Variants in CNTLN observed in about 807,000 individuals in gnomAD.
CNTLN encodes the protein centlein.
In CNTLN, 212 loss-of-function variants were observed where a neutral mutation model predicts 180.0. The ratio of observed to expected loss-of-function variants is 1.18; its 90% CI spans 1.05 to 1.32. CNTLN has a LOEUF of 1.32. Ranked by LOEUF, CNTLN falls within the 40% of genes most tolerant of loss-of-function variation. The pLI, the probability that CNTLN is intolerant of heterozygous loss-of-function variation, is 0.00. For synonymous variants in CNTLN, 722 were observed against 563.1 expected (o/e 1.28, Z -3.99); for missense variants, 2,095 against 1,610.9 (o/e 1.30, Z -5.14).
rs946499265 is a variant in CNTLN at position 17,450,219 on chromosome 9, A to G, written c.3115-7305A>G. Among the ~76,000 whole-genome samples the G allele has an allele frequency of 2.6e-5, 4 of 152,330 alleles. No individual in the cohort carries two copies. In the East Asian group the frequency reaches 5.8e-4, roughly 22 times the overall value. Reference sequence around the variant, plus strand: ...TGTAAACCATATTTAGTATGACCTTATAACAAAGTAGCACCTTAAGTGTCA... The same window carrying G: ...TGTAAACCATATTTAGTATGACCTTGTAACAAAGTAGCACCTTAAGTGTCA... On this transcript the variant is annotated intron_variant, in intron 18 of 25. Transcript: ENST00000380647.
At chr9:17,482,955 A>G (rs1195775144) in intron 23 of CNTLN, among the ~76,000 whole-genome samples, 1 of 152,150 alleles carries the variant, frequency 6.6e-6, no homozygotes, top group Non-Finnish European at 1.5e-5. Context: ...GTATTTTTAT[A>G]TACCTCATTG....
intron 21 of CNTLN, 90 bp from the exon 22 acceptor site, chr9:17,465,891 C>A (rs1831716080): frequency 3.4e-6 from 3 of 893,178 alleles, no homozygotes; most frequent in Non-Finnish European, 3.4e-6. Flanking sequence ...GAAGTAGACT[C>A]ATTCACTCAT....
the CNTLN span, among the ~76,000 whole-genome samples, chr9:17,520,786 G>C: frequency 3.3e-5 from 5 of 152,182 alleles, no homozygotes; most frequent in East Asian, 1.9e-4. Flanking sequence ...CATCACATTT[G>C]AGATGTGTGT....
intron 2 of CNTLN, among the ~76,000 whole-genome samples, chr9:17,153,989 G>C (rs773531902): frequency 1.3e-5 from 2 of 152,074 alleles, no homozygotes; most frequent in Non-Finnish European, 2.9e-5. Flanking sequence ...CTCATGCTGT[G>C]TTTTTCAGCT....
rs187485291 is a variant in CNTLN at position 17,440,576 on chromosome 9, G to A, written c.3115-16948G>A. Among the ~76,000 whole-genome samples the A allele has an allele frequency of 8.2e-3, 1,053 of 128,546 alleles. 12 individuals are homozygous for A. The highest frequency in any genetic ancestry group is 0.012 in the Non-Finnish European group (737 of 63,076). 84.3% of individuals were successfully genotyped at this position (128,546 alleles called of 152,430 possible). ...TGAACTCCAGCCTGGGCGACGGAGC[G>A]AGACTCCGTCTCAAAAAAAAAAAAA... On this transcript the variant is annotated intron_variant, in intron 18 of 25. Coordinates refer to ENST00000380647, the MANE Select transcript of CNTLN (RefSeq NM_017738.4).
intron 13 of CNTLN, among the ~76,000 whole-genome samples, chr9:17,383,561 G>A (rs1825435279): frequency 6.6e-6 from 1 of 151,916 alleles, no homozygotes; most frequent in Non-Finnish European, 1.5e-5. Flanking sequence ...TTTAAAACAA[G>A]CCAAAGGAGT....
chr9:17,226,394 G>C, intron 3 of CNTLN, 107 bp downstream of exon 3: 1 of 543,508 alleles, frequency 1.8e-6, no homozygotes. Context: ...GAATATCAGG[G>C]TCCTTATGTT....
At position 17,464,620 on chromosome 9, in the gene CNTLN, A is replaced by G. The variant is rs1283434201; in HGVS notation, c.3528A>G (p.Lys1176=). ...SFSEMLQNLD[K]KVKTLTEECS... ...GTGAAATGTTACAAAATCTTGATAA[A>G]AAGGTATCAATTTTTATCTTTACTG... The change falls in exon 21 of 26, where the codon AAA becomes AAG. Residue 1176 remains lysine, a synonymous_variant. Coordinates refer to ENST00000380647, the MANE Select transcript of CNTLN (RefSeq NM_017738.4). 10 of 1,459,676 alleles carry G rather than the reference A, an allele frequency of 6.9e-6. No homozygotes were observed. Among genetic ancestry groups the G allele is most frequent in the African/African-American group, 1.5e-5 (1 of 67,376 alleles). The allele number at this position is 1,459,676 out of a possible 1,614,324, so 90.4% of individuals were successfully genotyped here.
intron 19 of CNTLN, among the ~76,000 whole-genome samples, chr9:17,459,924 A>G (rs1015479147): frequency 2.6e-5 from 4 of 151,742 alleles, no homozygotes; most frequent in South Asian, 2.1e-4. Flanking sequence ...CTACATACTA[A>G]TTTGTTTAGG....
intron 6 of CNTLN, among the ~76,000 whole-genome samples, chr9:17,288,352 A>T (rs1257626846): frequency 8.5e-6 from 1 of 118,072 alleles, no homozygotes; most frequent in Non-Finnish European, 1.7e-5. Context: ...TTCTAGTTTG[A>T]TTGCACTGCG....
At chr9:17,171,802 A>G (rs926462422) in intron 2 of CNTLN, among the ~76,000 whole-genome samples, 60 of 152,114 alleles carry the variant, frequency 3.9e-4, no homozygotes, top group Admixed American at 7.9e-4. Context: ...GCCAGGGTCC[A>G]AAGTGTGGTT....
chr9:17,158,002 A>G (rs1248823738), intron 2 of CNTLN, among the ~76,000 whole-genome samples: 1 of 152,172 alleles, frequency 6.6e-6, no homozygotes. Flanking sequence ...GTTAAACAGA[A>G]ATCAATTTTG....
chr9:17,338,125 T>TTTCC (rs71331485), intron 10 of CNTLN, among the ~76,000 whole-genome samples: 25,792 of 148,124 alleles, frequency 0.17, 2,392 homozygotes, highest in South Asian at 0.33. Flanking sequence ...TCCCTCCTTC[T>TTTCC]TTCCTTCCTT....
At chr9:17,218,923 T>C (rs1823944967) in intron 2 of CNTLN, among the ~76,000 whole-genome samples, 1 of 152,174 alleles carries the variant, frequency 6.6e-6, no homozygotes. Flanking sequence ...TATAACATAA[T>C]AAAATTTTGT....
chr9:17,225,549 A>G (rs1238071936), intron 2 of CNTLN, among the ~76,000 whole-genome samples: 2 of 152,032 alleles, frequency 1.3e-5, no homozygotes, highest in Admixed American at 6.6e-5. Flanking sequence ...GACTGGTGTC[A>G]GCCTGATTAT....
Position 17,457,533 on chromosome 9 carries a change from T to G in CNTLN, c.3124T>G (p.Leu1042Val). 6.8e-7 allele frequency: 1 copy of G among 1,461,308 alleles called. No individual in the cohort carries two copies. Among genetic ancestry groups the G allele is most frequent in the Non-Finnish European group, 9.0e-7 (1 of 1,105,580 alleles). 90.5% of individuals were successfully genotyped at this position (1,461,308 alleles called of 1,614,324 possible). A position where few individuals can be genotyped will look rare whatever the true frequency, so the allele number is the denominator to read the frequency against. Reference sequence around the variant, plus strand: ...TTTTTTTAAAAAAAAGAAGCTAAATTTGGATTTGGCTGGGCTTCGGAAAGA... The same window carrying G: ...TTTTTTTAAAAAAAAGAAGCTAAATGTGGATTTGGCTGGGCTTCGGAAAGA... ...TSRQTIKKLN[L>V]DLAGLRKEKE... The change falls in exon 19 of 26, where the codon TTG (leucine) becomes GTG (valine). Residue 1042 changes from leucine (L) to valine (V), a missense_variant. Physicochemically the swap from Leu to Val is conservative, Grantham distance 32 (BLOSUM62 1). Transcript: ENST00000380647.
chr9:17,201,391 A>G (rs541941201), intron 2 of CNTLN, among the ~76,000 whole-genome samples: 93 of 152,260 alleles, frequency 6.1e-4, no homozygotes, highest in African/African-American at 2.2e-3. Context: ...ATTGTTTGGA[A>G]TAGTTTCAGA....
chr9:17,288,469 A>T (rs1218853166), intron 6 of CNTLN, among the ~76,000 whole-genome samples: 4 of 142,998 alleles, frequency 2.8e-5, no homozygotes, highest in African/African-American at 8.3e-5. Context: ...TGGTGCTGAA[A>T]AAAATGTATA....
At chr9:17,298,719 T>C (rs964675121) in intron 7 of CNTLN, 14 of 992,428 alleles carry the variant, frequency 1.4e-5, no homozygotes, top group African/African-American at 3.5e-5. Context: ...CAGACTTTCA[T>C]TGTAAAATTT....
Sources: allele counts gnomAD v4.1 joint callset (sites outside exome capture counted in the v4.1 genomes callset), GRCh38; gene constraint gnomAD v4.1.1; transcripts MANE v1.5; gene names NCBI Gene and HGNC (gene_info 2026-07-23, HGNC 2026-07-21).